Variants in ZNF718 observed in about 807,000 individuals in gnomAD.
The protein encoded by ZNF718 is zinc finger protein 718.
In ZNF718, 3 loss-of-function variants were observed where a neutral mutation model predicts 2.6. That is an observed-to-expected ratio of 1.16 (90% CI 0.53 to 3.01). ZNF718 has a LOEUF of 3.01. ZNF718 is among the 30% of genes most tolerant of loss of function. The probability of loss-of-function intolerance (pLI) is 0.03; values close to 1 mark genes in which losing one functional copy is unlikely to be tolerated. For synonymous variants in ZNF718, 135 were observed against 77.9 expected, an observed-to-expected ratio of 1.73 and a Z score of -3.86; for missense variants, 468 against 230.0, an observed-to-expected ratio of 2.03 and a Z score of -6.69.
rs1716606285 is a variant in ZNF718, at chr4:157,103, C to CTTTTTTTCTTTTTTTTTT, written c.227-3802_227-3801insCTTTTTTTTTTTTTTTTT. Among the ~76,000 whole-genome samples the CTTTTTTTCTTTTTTTTTT allele has an allele frequency of 2.9e-5, 3 of 103,148 alleles. 1 individual carries two copies. Among genetic ancestry groups the CTTTTTTTCTTTTTTTTTT allele is most frequent in the Non-Finnish European group, 3.9e-5 (2 of 51,854 alleles). The allele number at this position is 103,148 out of a possible 152,430, so 67.7% of individuals were successfully genotyped here. On this transcript the variant is annotated intron_variant, in intron 3 of 3. Coordinates refer to ENST00000510175, the MANE Select transcript of ZNF718 (RefSeq NM_001039127.6). Reference sequence around the variant, plus strand: ...TTTCTTTTTGTTTCTTTCTTTCTTTCTTTTTTTTTTTTTTTTTTTTTTTTT... The same window carrying CTTTTTTTCTTTTTTTTTT: ...TTTCTTTTTGTTTCTTTCTTTCTTTCTTTTTTTCTTTTTTTTTTTTTTTTTTTTTTTTTTTTTTTTTTT...
intron 3 of ZNF718, among the ~76,000 whole-genome samples, chr4:198,716 G>A (rs1323294021): frequency 2.6e-5 from 4 of 152,316 alleles, no homozygotes; most frequent in Middle Eastern, 6.8e-3. Flanking sequence ...CAGCATACAA[G>A]TCTGCAGGGA....
chr4:137,346 A>T (rs570450105), intron 3 of ZNF718, among the ~76,000 whole-genome samples: 193 of 152,316 alleles, frequency 1.3e-3, no homozygotes, highest in Non-Finnish European at 2.3e-3. Context: ...TTTCTGTCAG[A>T]TATACTTTGC....
At chr4:170,572 T>G (rs1315941706) in intron 3 of ZNF718, among the ~76,000 whole-genome samples, 1 of 152,130 alleles carries the variant, frequency 6.6e-6, no homozygotes, top group Non-Finnish European at 1.5e-5. Flanking sequence ...TCTCTAAACT[T>G]CTCTTCTCAC....
intron 3 of ZNF718, among the ~76,000 whole-genome samples, chr4:151,736 A>C (rs537360981): frequency 6.6e-6 from 1 of 152,190 alleles, no homozygotes; most frequent in South Asian, 2.1e-4. Context: ...CACCTCAACC[A>C]ACCAATGTAG....
rs1553815174 is a variant in ZNF718 at position 161,528 on chromosome 4, ATAC to A, written c.847_849del (p.Tyr283del). On this transcript the variant is annotated inframe_deletion, in exon 4 of 4. Transcript: ENST00000510175. ...ATAAGAGAATTCATTCTGCACAAAA[ATAC>A]TACAAATGTGAAGAATGTGGTAAAG... 5 of 780,788 alleles carry A rather than the reference ATAC, an allele frequency of 6.4e-6. No homozygotes were observed. The South Asian group carries it at 6.7e-5, about 10-fold the overall frequency. 48.4% of individuals were successfully genotyped at this position (780,788 alleles called of 1,614,324 possible). A position where few individuals can be genotyped will look rare whatever the true frequency, so the allele number is the denominator to read the frequency against.
chr4:182,304 T>C (rs1717482686), intron 3 of ZNF718, among the ~76,000 whole-genome samples: 1 of 152,184 alleles, frequency 6.6e-6, no homozygotes, highest in African/African-American at 2.4e-5. Context: ...CATTCCTTTT[T>C]TCCCACAACC....
intron 3 of ZNF718, among the ~76,000 whole-genome samples, chr4:195,257 T>A (rs782109078): frequency 2.6e-5 from 4 of 152,228 alleles, no homozygotes; most frequent in Non-Finnish European, 5.9e-5. Flanking sequence ...ACTTTAAGGC[T>A]TGGCTGAGTG....
intron 3 of ZNF718, among the ~76,000 whole-genome samples, chr4:195,585 CT>C (rs201982470): frequency 9.8e-4 from 144 of 146,204 alleles, no homozygotes; most frequent in Middle Eastern, 3.5e-3. Flanking sequence ...TACGTTTTTG[CT>C]TTTTTTTTTT....
chr4:136,361 C>T, intron 3 of ZNF718: 1 of 520,176 alleles, frequency 1.9e-6, no homozygotes, highest in South Asian at 1.4e-5. Context: ...GATCTGTAGG[C>T]CTGCCTCCAG....
rs1289229194 is a variant in ZNF718, at chr4:146,467, A to G, written c.227-14445A>G. On this transcript the variant is annotated intron_variant, in intron 3 of 3. Coordinates refer to ENST00000510175, the MANE Select transcript of ZNF718 (RefSeq NM_001039127.6). Reference sequence around the variant, plus strand: ...TTCTTGCTTCTTTTAAGAATCTCCCATTGTCTTTGAATTTTTGGCAGTTTA... The same window carrying G: ...TTCTTGCTTCTTTTAAGAATCTCCCGTTGTCTTTGAATTTTTGGCAGTTTA... 4.6e-5 allele frequency among the ~76,000 whole-genome samples: 7 copies of G among 152,026 alleles called. No homozygotes were observed. In the East Asian group the frequency reaches 1.4e-3, roughly 29 times the overall value.
chr4:134,786 A>G (rs890591697), intron 3 of ZNF718, among the ~76,000 whole-genome samples: 2 of 152,022 alleles, frequency 1.3e-5, no homozygotes, highest in African/African-American at 4.8e-5. Context: ...TGGAAATGCA[A>G]CACATATTTT....
intron 1 of ZNF718, 183 bp downstream of exon 1, chr4:124,856 C>T (rs541580561): frequency 1.4e-6 from 1 of 703,568 alleles, no homozygotes; most frequent in South Asian, 1.7e-5. Flanking sequence ...AGCCTGCAGC[C>T]CTCCTTGTGC....
In ZNF718 at chr4:194,296, G is replaced by A. The variant is rs370056896; in HGVS notation, c.227-6785G>A. Among the ~76,000 whole-genome samples the A allele has an allele frequency of 7.9e-4, 121 of 152,326 alleles. 1 individual carries two copies. In the South Asian group the frequency reaches 0.025, roughly 31 times the overall value. ...CTCAATGCCTCCCTTAGTCTCTCCA[G>A]AAAGGCAGTAGGATTTTCTTCCTTT... On this transcript the variant is annotated intron_variant and NMD_transcript_variant, in intron 3 of 4. Coordinates refer to the ZNF718 transcript ENST00000642529.
At chr4:143,518 G>A (rs1715906198) in intron 3 of ZNF718, among the ~76,000 whole-genome samples, 1 of 152,194 alleles carries the variant, frequency 6.6e-6, no homozygotes, top group Non-Finnish European at 1.5e-5. Context: ...ATTCTGGGAT[G>A]CCATTGTTTT....
At chr4:196,886 A>G (rs940828968) in intron 3 of ZNF718, among the ~76,000 whole-genome samples, 3 of 151,764 alleles carry the variant, frequency 2.0e-5, no homozygotes, top group South Asian at 4.2e-4. Flanking sequence ...CTAAGGAAGG[A>G]TAGGACAGAA....
chr4:170,208 G>A (rs60405971), intron 3 of ZNF718, among the ~76,000 whole-genome samples: 7,086 of 152,232 alleles, frequency 0.047, 209 homozygotes, highest in South Asian at 0.081. Context: ...AGTTTCTGCC[G>A]AGAGATCAGC....
At chr4:191,341 G>A (rs943661260) in intron 3 of ZNF718, among the ~76,000 whole-genome samples, 8 of 151,642 alleles carry the variant, frequency 5.3e-5, no homozygotes, top group Non-Finnish European at 8.8e-5. Flanking sequence ...TAGTAGAGAC[G>A]GGGTTTTACC....
chr4:161,351 C>T lies in ZNF718; in HGVS notation c.666C>T (p.Ala222=), dbSNP rs1716835875. 1 of 777,038 alleles carries T rather than the reference C, an allele frequency of 1.3e-6. No individual in the cohort carries two copies. Among genetic ancestry groups the T allele is most frequent in the Non-Finnish European group, 2.4e-6 (1 of 416,550 alleles). The allele number at this position is 777,038 out of a possible 1,614,324, so 48.1% of individuals were successfully genotyped here. Residue 222 remains alanine, a synonymous_variant, in exon 4 of 4, where the codon GCC becomes GCT. Transcript: ENST00000510175. ...TTACTAAACATAAGAGAATTCATGC[C>T]AGAGAGAAATTCTACAAGTGTGAAG... ...SILTKHKRIH[A]REKFYKCEEC...
chr4:153,584 A>T (rs1397778400), intron 3 of ZNF718, among the ~76,000 whole-genome samples: 2 of 152,160 alleles, frequency 1.3e-5, no homozygotes, highest in Non-Finnish European at 2.9e-5. Context: ...TCAATGATTT[A>T]TAATTTTCAG....
Sources: gnomAD v4.1 joint callset for allele counts (sites outside exome capture counted in the v4.1 genomes callset) on GRCh38, gnomAD v4.1.1 for gene constraint, MANE v1.5 for transcripts, NCBI Gene and HGNC (gene_info 2026-07-23, HGNC 2026-07-21) for gene names.